The following PCBP3 variants were observed in gnomAD, a reference collection of about 807,000 sequenced individuals.
The protein encoded by PCBP3 is poly(rC)-binding protein 3.
Under a neutral mutation model 52.7 loss-of-function variants are expected in PCBP3, and 25 were observed. The ratio of observed to expected loss-of-function variants is 0.47; its 90% confidence interval spans 0.35 to 0.66. The LOEUF (loss-of-function observed/expected upper bound fraction) is 0.66, where lower values mean the gene tolerates loss of function less well. PCBP3 is among the 30% of genes least tolerant of loss of function. The pLI is 0.01. For missense variants in PCBP3, 391 were observed against 490.3 expected (o/e 0.80, Z 1.91); for synonymous variants, 162 against 183.0 (o/e 0.89, Z 0.93).
intron 2 of PCBP3, among the ~76,000 whole-genome samples, chr21:45,718,014 G>A (rs2084343781): frequency 6.6e-6 from 1 of 152,078 alleles, no homozygotes; most frequent in South Asian, 2.1e-4. Flanking sequence ...ACTTGTTTTA[G>A]GTTTGTTCAG....
intron 2 of PCBP3, among the ~76,000 whole-genome samples, chr21:45,729,003 T>C (rs2085261062): frequency 6.6e-6 from 1 of 152,166 alleles, no homozygotes; most frequent in African/African-American, 2.4e-5. Context: ...GTACCCAGTT[T>C]CAAGACTTTT....
intron 1 of PCBP3, among the ~76,000 whole-genome samples, chr21:45,654,539 C>T (rs181152184): frequency 1.3e-3 from 202 of 152,188 alleles, no homozygotes; most frequent in African/African-American, 4.6e-3. Flanking sequence ...CAGGATTTCA[C>T]GATGTTGGCT....
chr21:45,819,676 G>T (rs545555214), intron 4 of PCBP3, among the ~76,000 whole-genome samples: 81 of 152,366 alleles, frequency 5.3e-4, no homozygotes, highest in Non-Finnish European at 8.5e-4. Flanking sequence ...GCTGAGGTGG[G>T]GAAGGCTCCT....
chr21:45,909,676 G>C (rs545376900), intron 10 of PCBP3, among the ~76,000 whole-genome samples, 190 bp downstream of exon 10: 1 of 151,430 alleles, frequency 6.6e-6, no homozygotes, highest in Non-Finnish European at 1.5e-5. Flanking sequence ...CTGCACTGCA[G>C]GGACCCAGCC....
chr21:45,771,577 C>A (rs75832608), intron 4 of PCBP3, among the ~76,000 whole-genome samples: 2,198 of 152,252 alleles, frequency 0.014, 51 homozygotes, highest in African/African-American at 0.051. Context: ...CTTTCAGATA[C>A]AAACGTTCAA....
intron 7 of PCBP3, 152 bp from the exon 8 acceptor site, chr21:45,900,439 T>C (rs1201938920): frequency 3.1e-6 from 2 of 648,798 alleles, no homozygotes; most frequent in East Asian, 5.3e-5. Flanking sequence ...AGCCTGGCCT[T>C]CTTAGTGGAG....
intron 17 of PCBP3, among the ~76,000 whole-genome samples, chr21:45,941,073 C>T (rs922646899): frequency 1.3e-5 from 2 of 152,204 alleles, no homozygotes; most frequent in Admixed American, 6.5e-5. Flanking sequence ...AGGACGAGGA[C>T]ACCCCCCGAC....
intron 4 of PCBP3, among the ~76,000 whole-genome samples, chr21:45,801,561 G>A (rs977702998): frequency 9.2e-5 from 14 of 152,280 alleles, no homozygotes; most frequent in African/African-American, 2.6e-4. Context: ...GCCAGGTGCT[G>A]GTCACTGACC....
intron 2 of PCBP3, among the ~76,000 whole-genome samples, chr21:45,691,853 G>C (rs1042329659): frequency 1.3e-5 from 2 of 152,116 alleles, no homozygotes; most frequent in African/African-American, 4.8e-5. Context: ...AACTAAAGGA[G>C]TCCCCAGCAC....
At chr21:45,866,670 C>G (rs1373550621) in intron 5 of PCBP3, among the ~76,000 whole-genome samples, 1 of 152,144 alleles carries the variant, frequency 6.6e-6, no homozygotes, top group Non-Finnish European at 1.5e-5. Flanking sequence ...GGAGCAATCC[C>G]AGAGAGGCTG....
At chr21:45,826,031 G>A (rs1272994540) in intron 4 of PCBP3, among the ~76,000 whole-genome samples, 1 of 152,190 alleles carries the variant, frequency 6.6e-6, no homozygotes, top group Non-Finnish European at 1.5e-5. Context: ...CAGCATTTTG[G>A]GAGGCCAAGG....
chr21:45,742,872 T>C (rs1224145238), intron 3 of PCBP3, among the ~76,000 whole-genome samples: 1 of 152,210 alleles, frequency 6.6e-6, no homozygotes, highest in East Asian at 1.9e-4. Context: ...AGGTAACCAA[T>C]ATTTCAAAAA....
At chr21:45,888,643 C>G (rs944136687) in intron 5 of PCBP3, among the ~76,000 whole-genome samples, 4 of 152,280 alleles carry the variant, frequency 2.6e-5, no homozygotes, top group African/African-American at 9.6e-5. Context: ...CTGTGTGCAG[C>G]TTCAGTGCTT....
intron 15 of PCBP3, among the ~76,000 whole-genome samples, chr21:45,931,053 C>G (rs1449763582): frequency 6.6e-6 from 1 of 152,168 alleles, no homozygotes; most frequent in Non-Finnish European, 1.5e-5. Flanking sequence ...AGCAGGGCAC[C>G]CCGGCCATGG....
rs907278451 is a variant in PCBP3 at position 45,704,506 on chromosome 21, G to A, written c.-199-30886G>A. Reference sequence around the variant, plus strand: ...TTTCCTGCTCTCCCCTGGCAGAGGCGCCCCAGGGGGCTCCAGGGGAGTGCT... The same window carrying A: ...TTTCCTGCTCTCCCCTGGCAGAGGCACCCCAGGGGGCTCCAGGGGAGTGCT... On this transcript the variant is annotated intron_variant, in intron 2 of 17. Coordinates refer to ENST00000681687, the MANE Select transcript of PCBP3 (RefSeq NM_001384156.1). This position sits in a 1 kb window ranked among gnomAD's most constrained non-coding sequence, Gnocchi z 4.1. Among the ~76,000 whole-genome samples, 1 of 152,162 alleles carries A rather than the reference G, an allele frequency of 6.6e-6. No individual in the cohort carries two copies.
At chr21:45,815,996 G>GA in intron 4 of PCBP3, among the ~76,000 whole-genome samples, 1 of 129,116 alleles carries the variant, frequency 7.7e-6, no homozygotes, top group Non-Finnish European at 1.6e-5. Context: ...GTGAGTGAGT[G>GA]GTGAGTGGTG....
rs1475071293 is a variant in PCBP3, at chr21:45,837,666, G to A, written c.-125-12295G>A. Among the ~76,000 whole-genome samples, 1 of 152,210 alleles carries A rather than the reference G, an allele frequency of 6.6e-6. No homozygotes were observed. The highest frequency in any genetic ancestry group is 6.5e-5 in the Admixed American group (1 of 15,284). ...CACCTGCAACCCCATATTTGCCCTG[G>A]TAGGTCTGAGGTGCGATTCCACTCA... is the stretch of plus-strand genomic sequence containing the variant. On this transcript the variant is annotated intron_variant, in intron 4 of 17. Transcript: ENST00000681687. The surrounding 1 kb of genome is among the most constrained non-coding windows in gnomAD (Gnocchi z 4.1).
At position 45,741,228 on chromosome 21, in the gene PCBP3, C is replaced by T. The variant is rs904700432; in HGVS notation, c.-162+5799C>T. ...TCGGGATGAGTGGGTCTGCAGTGGT[C>T]GGCCCCATGGCTAGGAGTTTGGAAA... On this transcript the variant is annotated intron_variant, in intron 3 of 17. Coordinates refer to ENST00000681687, the MANE Select transcript of PCBP3 (RefSeq NM_001384156.1). This position sits in a 1 kb window ranked among gnomAD's most constrained non-coding sequence, Gnocchi z 4.5. Among the ~76,000 whole-genome samples, 13 of 152,104 alleles carry T rather than the reference C, an allele frequency of 8.5e-5. No individual in the cohort carries two copies. The highest frequency in any genetic ancestry group is 1.6e-4 in the Non-Finnish European group (11 of 68,028).
intron 5 of PCBP3, among the ~76,000 whole-genome samples, chr21:45,868,611 A>G (rs2094860563): frequency 6.6e-6 from 1 of 152,056 alleles, no homozygotes; most frequent in African/African-American, 2.4e-5. Flanking sequence ...TCCCTGCTTC[A>G]GCCTGGGCGG....
Sources: gnomAD v4.1 joint callset for allele counts (sites outside exome capture counted in the v4.1 genomes callset) on GRCh38, gnomAD v4.1.1 for gene constraint, Gnocchi (gnomAD v3.1) non-coding constraint, MANE v1.5 for transcripts, NCBI Gene and HGNC (gene_info 2026-07-23, HGNC 2026-07-21) for gene names.